The following CIDEC variants were observed in gnomAD, a reference collection of about 807,000 sequenced individuals.
CIDEC encodes lipid transferase CIDEC.
Under a neutral mutation model 21.9 loss-of-function variants are expected in CIDEC, and 11 were observed. That is an observed-to-expected ratio of 0.50 (90% CI 0.32 to 0.83). CIDEC has a LOEUF of 0.83. CIDEC is among the 40% of genes least tolerant of loss of function. CIDEC has a pLI of 0.04. For missense variants in CIDEC, 302 were observed against 302.3 expected (o/e 1.00, Z 0.01); for synonymous variants, 127 against 124.9 (o/e 1.02, Z -0.11).
chr3:9,876,960 G>C (rs1315808391), intron 4 of CIDEC, 106 bp downstream of exon 4: 1 of 901,844 alleles, frequency 1.1e-6, no homozygotes, highest in African/African-American at 1.7e-5. Context: ...ATCTGTAGGC[G>C]CTGGTAGGTA....
chr3:9,867,058 CT>C lies in CIDEC; in HGVS notation c.*75del, dbSNP rs751176868. ...GGTTCGCGGCTCTACAGCTGCCAGGCTTGTGGGCACTACCAGTTAAGCGTGA... is the reference window on the plus strand; with the variant it reads ...GGTTCGCGGCTCTACAGCTGCCAGGCTGTGGGCACTACCAGTTAAGCGTGA... On this transcript the variant is annotated 3_prime_UTR_variant, in exon 7 of 7. Transcript: ENST00000336832. 7.2e-6 allele frequency: 11 copies of C among 1,521,526 alleles called. No individual in the cohort carries two copies. The highest frequency in any genetic ancestry group is 1.0e-5 in the Non-Finnish European group (11 of 1,097,362). The allele number at this position is 1,521,526 out of a possible 1,614,324, so 94.3% of individuals were successfully genotyped here. A position where few individuals can be genotyped will look rare whatever the true frequency, so the allele number is the denominator to read the frequency against.
chr3:9,877,300 C>T (rs777631606), intron 3 of CIDEC, 81 bp from the exon 4 acceptor site: 48 of 1,327,126 alleles, frequency 3.6e-5, no homozygotes, highest in Non-Finnish European at 4.9e-5. Flanking sequence ...CCTCCCCACC[C>T]CTCCTGACTG....
intron 4 of CIDEC, among the ~76,000 whole-genome samples, chr3:9,876,477 C>T (rs957983592): frequency 2.0e-5 from 3 of 151,028 alleles, no homozygotes; most frequent in African/African-American, 7.3e-5. Flanking sequence ...CCATCTTGGG[C>T]TGGGTGTGGT....
intron 3 of CIDEC, chr3:9,877,905 C>G (rs2082449745): frequency 6.1e-6 from 1 of 163,574 alleles, no homozygotes; most frequent in African/African-American, 2.4e-5. Context: ...CATTTACCAC[C>G]TGTCTTGGCC....
intron 4 of CIDEC, among the ~76,000 whole-genome samples, chr3:9,873,790 A>G (rs534094781): frequency 6.6e-6 from 1 of 152,316 alleles, no homozygotes; most frequent in South Asian, 2.1e-4. Context: ...CATAATAAGA[A>G]TAGGCTCCTC....
At position 9,869,894 on chromosome 3, in the gene CIDEC, T is replaced by C; in HGVS notation, c.542A>G (p.Lys181Arg). 1 of 1,612,928 alleles carries C rather than the reference T, an allele frequency of 6.2e-7. No individual in the cohort carries two copies. The highest frequency in any genetic ancestry group is 8.5e-7 in the Non-Finnish European group (1 of 1,179,922). ...LSYDLHCCGA[K>R]RIMKEAFRWA... ...CCAATTTGCTCACTTCATGATGCGC[T>C]TGGCCCCACAGCAGTGCAGATCATA... Residue 181 changes from lysine to arginine, a missense_variant, in exon 6 of 7, where the codon AAG becomes AGG. Lys to Arg is a conservative substitution (Grantham distance 26). Coordinates refer to ENST00000336832, the MANE Select transcript of CIDEC (RefSeq NM_001321142.2).
At chr3:9,878,019 A>C (rs2082451345) in intron 3 of CIDEC, 1 of 192,956 alleles carries the variant, frequency 5.2e-6, no homozygotes, top group African/African-American at 2.3e-5. Flanking sequence ...AGGAAAGGAA[A>C]GGACCTGGAT....
rs761778831 is a variant in CIDEC at position 9,868,495 on chromosome 3, T to C, written c.555-1199A>G. On this transcript the variant is annotated intron_variant, in intron 6 of 6. Coordinates refer to ENST00000336832, the MANE Select transcript of CIDEC (RefSeq NM_001321142.2). ...ACTGCTCTAGCTTTGAGCTTCAGCT[T>C]CCTCATGGGTAAAATGGGATTGCAC... Among the ~76,000 whole-genome samples, 6 of 152,186 alleles carry C rather than the reference T, an allele frequency of 3.9e-5. No homozygotes were observed. The East Asian group carries it at 7.7e-4, about 20-fold the overall frequency.
chr3:9,868,969 C>T (rs2082308789), intron 6 of CIDEC, among the ~76,000 whole-genome samples: 1 of 151,930 alleles, frequency 6.6e-6, no homozygotes, highest in South Asian at 2.1e-4. Flanking sequence ...CCACTGCCAG[C>T]ATTTTGTGTG....
chr3:9,874,114 A>G (rs1014068646), intron 4 of CIDEC, among the ~76,000 whole-genome samples: 2 of 152,194 alleles, frequency 1.3e-5, no homozygotes. Flanking sequence ...GGACATGATA[A>G]AAAGATGTTG....
chr3:9,879,886 G>A (rs3856912), intron 1 of CIDEC, among the ~76,000 whole-genome samples: 19 of 152,026 alleles, frequency 1.2e-4, no homozygotes, highest in Non-Finnish European at 2.4e-4. Context: ...CTTCCTATTC[G>A]AAGCTCCCGG....
intron 4 of CIDEC, among the ~76,000 whole-genome samples, chr3:9,871,937 C>CT (rs1553563457): frequency 8.6e-5 from 13 of 151,820 alleles, no homozygotes; most frequent in Middle Eastern, 3.4e-3. Context: ...GCCCAAAAAT[C>CT]TTTTTTTCGT....
At position 9,867,141 on chromosome 3, in the gene CIDEC, A is replaced by C; in HGVS notation, c.710T>G (p.Leu237Arg). ...TTCCAAGGACTTGGGCTTTCACTGC[A>C]GTATCTTCAGACAGGTCGGGATAAG... ...SSLIPTCLKI[L>R]Q Residue 237 changes from leucine to arginine, a missense_variant, in exon 7 of 7, where the codon CTG becomes CGG. Transcript: ENST00000336832. 3 of 1,613,356 alleles carry C rather than the reference A, an allele frequency of 1.9e-6. No homozygotes were observed. The highest frequency in any genetic ancestry group is 1.9e-4 in the Middle Eastern group (1 of 5,324).
chr3:9,870,248 T>G lies in CIDEC; in HGVS notation c.282A>C (p.Thr94=). ...CTGCCAGGGCTTGGAAGTACTCTTC[T>G]GTCTCTACAGTTGTGCCATCTTCCT... ...VLEEDGTTVE[T]EEYFQALAGD... The change falls in exon 5 of 7, where the codon ACA becomes ACC. Residue 94 remains threonine, a synonymous_variant. Transcript: ENST00000336832. 2 of 1,614,178 alleles carry G rather than the reference T, an allele frequency of 1.2e-6. No homozygotes were observed. The highest frequency in any genetic ancestry group is 1.7e-6 in the Non-Finnish European group (2 of 1,180,024).
intron 4 of CIDEC, among the ~76,000 whole-genome samples, chr3:9,873,080 T>G (rs2082372117): frequency 6.6e-6 from 1 of 152,144 alleles, no homozygotes; most frequent in Admixed American, 6.6e-5. Context: ...TTTTGGTTTG[T>G]TTTGGTTTTG....
At chr3:9,868,002 G>A (rs1288352388) in intron 6 of CIDEC, among the ~76,000 whole-genome samples, 1 of 152,070 alleles carries the variant, frequency 6.6e-6, no homozygotes, top group South Asian at 2.1e-4. Flanking sequence ...TCCCATGCTG[G>A]CCTGGAAGGG....
intron 6 of CIDEC, 32 bp downstream of exon 6, chr3:9,869,850 A>C: frequency 6.2e-7 from 1 of 1,605,482 alleles, no homozygotes; most frequent in East Asian, 2.2e-5. Flanking sequence ...GCCTGTACCC[A>C]CCCTGTCCCC....
In CIDEC at chr3:9,867,027, T is replaced by TC; in HGVS notation, c.*106_*107insG. 6 of 1,225,482 alleles carry TC rather than the reference T, an allele frequency of 4.9e-6. No homozygotes were observed. The highest frequency in any genetic ancestry group is 7.3e-6 in the Non-Finnish European group (6 of 827,398). The allele number at this position is 1,225,482 out of a possible 1,614,324, so 75.9% of individuals were successfully genotyped here. A position where few individuals can be genotyped will look rare whatever the true frequency, so the allele number is the denominator to read the frequency against. ...AGGGTCCTGCGCGGTGAGGGAGGTG[T>TC]GGGGAGGTTCGCGGCTCTACAGCTG... is the stretch of plus-strand genomic sequence containing the variant. On this transcript the variant is annotated 3_prime_UTR_variant, in exon 7 of 7. Transcript: ENST00000336832.
chr3:9,872,251 G>A lies in CIDEC; in HGVS notation c.208-1929C>T, dbSNP rs2082358853. 2.0e-5 allele frequency among the ~76,000 whole-genome samples: 3 copies of A among 151,302 alleles called. No individual in the cohort carries two copies. In the South Asian group the frequency reaches 6.3e-4, roughly 32 times the overall value. On this transcript the variant is annotated intron_variant, in intron 4 of 6. Transcript: ENST00000336832. The stretch of plus-strand genomic sequence containing the variant: ...TGCAGTGGTGCCATCATGACTCACT[G>A]CAGTGTCACCCTCCTAGGCTCAAGT...
Sources: allele counts gnomAD v4.1 joint callset (sites outside exome capture counted in the v4.1 genomes callset), GRCh38; gene constraint gnomAD v4.1.1; transcripts MANE v1.5; gene names NCBI Gene and HGNC (gene_info 2026-07-23, HGNC 2026-07-21).